The following SH3PXD2B variants were observed in gnomAD, a reference collection of about 807,000 sequenced individuals.
SH3PXD2B encodes SH3 and PX domains 2B, also known as SH3 and PX domain-containing protein 2B.
In SH3PXD2B, 37 loss-of-function variants were observed where a neutral mutation model predicts 73.1. The observed-to-expected ratio is 0.51, with a 90% CI of 0.39 to 0.67. The LOEUF (loss-of-function observed/expected upper bound fraction) is 0.67. Ranked by LOEUF, SH3PXD2B falls within the 30% of genes least tolerant of loss-of-function variation. The probability of loss-of-function intolerance (pLI) is 0.00; values close to 1 mark genes in which losing one functional copy is unlikely to be tolerated. For synonymous variants in SH3PXD2B, 457 were observed against 480.5 expected (o/e 0.95, Z 0.64); for missense variants, 1,053 against 1,197.8 (o/e 0.88, Z 1.78).
chr5:172,344,446 G>A (rs563339887), intron 12 of SH3PXD2B, among the ~76,000 whole-genome samples: 1 of 151,924 alleles, frequency 6.6e-6, no homozygotes, highest in African/African-American at 2.4e-5. Context: ...AAATCAGCCG[G>A]GCGTCATGTT....
intron 1 of SH3PXD2B, among the ~76,000 whole-genome samples, chr5:172,426,058 CA>C (rs768327457): frequency 1.3e-4 from 20 of 152,054 alleles, no homozygotes; most frequent in Non-Finnish European, 1.9e-4. Context: ...TTAAAACCAA[CA>C]AAAAGCACAC....
intron 5 of SH3PXD2B, 91 bp from the exon 6 acceptor site, chr5:172,373,906 C>T: frequency 7.2e-7 from 1 of 1,392,254 alleles, no homozygotes; most frequent in Non-Finnish European, 1.0e-6. Context: ...CTGAGATTCT[C>T]CACCCCCCAC....
At chr5:172,433,750 T>C (rs1307390267) in intron 1 of SH3PXD2B, among the ~76,000 whole-genome samples, 1 of 152,182 alleles carries the variant, frequency 6.6e-6, no homozygotes, top group Non-Finnish European at 1.5e-5. Flanking sequence ...CTCTCTGTTA[T>C]CTGAAAAATA....
chr5:172,329,083 A>ATATATATATATATATTTTTT, downstream of SH3PXD2B, among the ~76,000 whole-genome samples: 1 of 61,812 alleles, frequency 1.6e-5, no homozygotes, highest in Middle Eastern at 0.015. Context: ...ATATATATAT[A>ATATATATATATATATTTTTT]TTTTTTTTTT....
chr5:172,429,674 G>A (rs1421366281), intron 1 of SH3PXD2B, among the ~76,000 whole-genome samples: 1 of 152,136 alleles, frequency 6.6e-6, no homozygotes, highest in African/African-American at 2.4e-5. Flanking sequence ...TTGCAGGTGG[G>A]TAGATGGCTG....
intron 4 of SH3PXD2B, among the ~76,000 whole-genome samples, chr5:172,391,506 A>G (rs1158141261): frequency 6.6e-6 from 1 of 152,196 alleles, no homozygotes. Context: ...TCTGTTGCCC[A>G]GGCTGGAGTG....
chr5:172,334,323 G>A lies in SH3PXD2B; in HGVS notation c.*4046C>T, dbSNP rs1202646659. ...CTCTGCAGCTCTGCCTGGGACCCTC[G>A]TGGAAACTTACTCTAGTTAGGAGCA... On this transcript the variant is annotated 3_prime_UTR_variant, in exon 13 of 13. Transcript: ENST00000311601. 1.8e-5 allele frequency: 18 copies of A among 995,158 alleles called. No individual in the cohort carries two copies. Among genetic ancestry groups the A allele is most frequent in the Middle Eastern group, 5.1e-4 (1 of 1,960 alleles). 61.6% of individuals were successfully genotyped at this position (995,158 alleles called of 1,614,324 possible).
Position 172,335,255 on chromosome 5 carries a change from T to C in SH3PXD2B, c.*3114A>G, listed in dbSNP as rs147455605. On this transcript the variant is annotated 3_prime_UTR_variant, in exon 13 of 13. Coordinates refer to ENST00000311601, the MANE Select transcript of SH3PXD2B (RefSeq NM_001017995.3). The stretch of plus-strand genomic sequence containing the variant: ...GGGGTGAGGGGAAGAAAAAAAAATC[T>C]CTGCCCACCTTTTGGGCTGCCATTT... 1,516 of 1,082,704 alleles carry C rather than the reference T, an allele frequency of 1.4e-3. 18 individuals are homozygous for C. The African/African-American group carries it at 0.023, about 16-fold the overall frequency. 67.1% of individuals were successfully genotyped at this position (1,082,704 alleles called of 1,614,324 possible).
chr5:172,370,216 A>G (rs969376673), intron 6 of SH3PXD2B, among the ~76,000 whole-genome samples: 2 of 152,178 alleles, frequency 1.3e-5, no homozygotes, highest in African/African-American at 4.8e-5. Context: ...CTTCTTGACT[A>G]TAAGTAGAAA....
rs575912060 is a variant in SH3PXD2B at position 172,342,536 on chromosome 5, G to A, written c.1189-2620C>T. ...AGCACTTTGGGAGGCCAAGGCGGGC[G>A]GATCACCTGGGTCAGGAGTTTGAGA... On this transcript the variant is annotated intron_variant, in intron 12 of 12. Transcript: ENST00000311601. Among the ~76,000 whole-genome samples the A allele has an allele frequency of 2.6e-5, 4 of 152,262 alleles. No homozygotes were observed. The South Asian group carries it at 6.2e-4, about 24-fold the overall frequency.
chr5:172,364,744 G>A (rs868235585), intron 6 of SH3PXD2B, among the ~76,000 whole-genome samples: 14 of 152,122 alleles, frequency 9.2e-5, no homozygotes, highest in Admixed American at 9.2e-4. Flanking sequence ...GACAGCCAGC[G>A]CACAGAGCTG....
At chr5:172,348,966 G>T (rs1757091708) in intron 10 of SH3PXD2B, among the ~76,000 whole-genome samples, 1 of 152,142 alleles carries the variant, frequency 6.6e-6, no homozygotes, top group Admixed American at 6.6e-5. Flanking sequence ...TCCAGCCTCA[G>T]CCTCCCAAAG....
intron 12 of SH3PXD2B, among the ~76,000 whole-genome samples, chr5:172,344,566 C>A (rs944955713): frequency 9.1e-6 from 1 of 110,024 alleles, no homozygotes; most frequent in Non-Finnish European, 1.7e-5. Flanking sequence ...CCAGCCTGGG[C>A]AACAGAGGAG....
At chr5:172,344,859 C>G (rs1369315462) in intron 12 of SH3PXD2B, among the ~76,000 whole-genome samples, 2 of 152,032 alleles carry the variant, frequency 1.3e-5, no homozygotes, top group Admixed American at 6.6e-5. Flanking sequence ...ACAGCAAGGC[C>G]TGGGCCAGAT....
At chr5:172,395,185 C>T (rs1176204611) in intron 3 of SH3PXD2B, among the ~76,000 whole-genome samples, 1 of 152,192 alleles carries the variant, frequency 6.6e-6, no homozygotes, top group African/African-American at 2.4e-5. Flanking sequence ...GTTAAGAGTT[C>T]CTGGCTCTTT....
At chr5:172,376,183 C>T (rs928154221) in intron 5 of SH3PXD2B, among the ~76,000 whole-genome samples, 1 of 152,102 alleles carries the variant, frequency 6.6e-6, no homozygotes, top group Admixed American at 6.5e-5. Context: ...ACGCCCACCA[C>T]CACGCCTGGC....
At chr5:172,329,077 A>ATTTTTTTTTT (rs1386202364), downstream of SH3PXD2B, among the ~76,000 whole-genome samples, 1 of 63,582 alleles carries the variant, frequency 1.6e-5, no homozygotes, top group African/African-American at 6.1e-5. Context: ...ATATATATAT[A>ATTTTTTTTTT]TATATATTTT....
chr5:172,328,016 A>G lies in SH3PXD2B; in HGVS notation c.1189-2636T>C, dbSNP rs568196202. On this transcript the variant is annotated intron_variant, in intron 12 of 12. Transcript: ENST00000519643. Reference sequence around the variant, plus strand: ...GTGATCCACCCACTTCGGTTTCCCAAAGTGCTGGGATTATAGGCGTGAGCC... The same window carrying G: ...GTGATCCACCCACTTCGGTTTCCCAGAGTGCTGGGATTATAGGCGTGAGCC... Among the ~76,000 whole-genome samples, 11 of 150,974 alleles carry G rather than the reference A, an allele frequency of 7.3e-5. No individual in the cohort carries two copies. In the East Asian group the frequency reaches 2.0e-3, roughly 27 times the overall value.
At chr5:172,383,389 T>C (rs1757989991) in intron 4 of SH3PXD2B, among the ~76,000 whole-genome samples, 1 of 152,220 alleles carries the variant, frequency 6.6e-6, no homozygotes, top group Non-Finnish European at 1.5e-5. Flanking sequence ...CATTCAATGA[T>C]TCAATGAGCA....
Sources: allele counts gnomAD v4.1 joint callset (sites outside exome capture counted in the v4.1 genomes callset), GRCh38; gene constraint gnomAD v4.1.1; transcripts MANE v1.5; gene names NCBI Gene and HGNC (gene_info 2026-07-23, HGNC 2026-07-21).